Variants in ERN1 observed in about 807,000 individuals in gnomAD.
The protein encoded by ERN1 is serine/threonine-protein kinase/endoribonuclease IRE1.
In ERN1, 39 loss-of-function variants were observed where a neutral mutation model predicts 113.1. The observed-to-expected ratio is 0.34, with a 90% confidence interval of 0.27 to 0.45. ERN1 has a LOEUF of 0.45. Ranked by LOEUF, ERN1 falls within the 20% of genes least tolerant of loss-of-function variation. The probability of loss-of-function intolerance (pLI) is 1.00; values close to 1 mark genes in which losing one functional copy is unlikely to be tolerated. For missense variants in ERN1, 976 were observed against 1,274.8 expected (o/e 0.77, Z 3.57); for synonymous variants, 507 against 515.9 (o/e 0.98, Z 0.23).
Position 64,044,257 on chromosome 17 carries a change from G to T in ERN1, c.2722-57C>A. 2.3e-6 allele frequency: 3 copies of T among 1,280,556 alleles called. No individual in the cohort carries two copies. Among genetic ancestry groups the T allele is most frequent in the Non-Finnish European group, 3.2e-6 (3 of 948,986 alleles). 79.3% of individuals were successfully genotyped at this position (1,280,556 alleles called of 1,614,324 possible). A position where few individuals can be genotyped will look rare whatever the true frequency, so the allele number is the denominator to read the frequency against. On this transcript the variant is annotated intron_variant, in intron 21 of 21. Coordinates refer to ENST00000433197, the MANE Select transcript of ERN1 (RefSeq NM_001433.5). The surrounding 1 kb of genome is among the most constrained non-coding windows in gnomAD (Gnocchi z 4.1). The stretch of plus-strand genomic sequence containing the variant: ...AAAGGGGTTAGAAAGCTCGGGAAAT[G>T]TTGGCAAAACACCCTTTCATCATGC...
In ERN1 at chr17:64,064,012, T is replaced by C; in HGVS notation, c.1061A>G (p.Tyr354Cys). ...TATCAGAAGCCAGTAATTCCTCAAGTAGTTGAGCTTGTTCTTGCTTTTGAG... is the reference window on the plus strand; with the variant it reads ...TATCAGAAGCCAGTAATTCCTCAAGCAGTTGAGCTTGTTCTTGCTTTTGAG... Reference protein sequence around the residue: ...PGLKSKNKLNYLRNYWLLIGH... With the variant: ...PGLKSKNKLNCLRNYWLLIGH... Residue 354 changes from tyrosine to cysteine, a missense_variant, in exon 10 of 22, where the codon TAC becomes TGC. Physicochemically the swap from Tyr to Cys is radical, Grantham distance 194. Transcript: ENST00000433197. 1 of 1,613,922 alleles carries C rather than the reference T, an allele frequency of 6.2e-7. No homozygotes were observed. Among genetic ancestry groups the C allele is most frequent in the Non-Finnish European group, 8.5e-7 (1 of 1,179,868 alleles).
At chr17:64,070,827 T>A (rs1452342046) in intron 6 of ERN1, among the ~76,000 whole-genome samples, 1 of 152,232 alleles carries the variant, frequency 6.6e-6, no homozygotes, top group African/African-American at 2.4e-5. Flanking sequence ...TTTCATGGCA[T>A]CCCCGACATG....
intron 17 of ERN1, among the ~76,000 whole-genome samples, chr17:64,050,524 C>G (rs994653425): frequency 6.6e-6 from 1 of 152,182 alleles, no homozygotes; most frequent in Non-Finnish European, 1.5e-5. Context: ...GTTACAAGAG[C>G]TGCTGCGGCA....
chr17:64,100,071 C>T (rs1008501656), intron 1 of ERN1, among the ~76,000 whole-genome samples: 5 of 152,106 alleles, frequency 3.3e-5, no homozygotes, highest in Non-Finnish European at 1.5e-5. Context: ...CTGCCCTAGC[C>T]GGGGATGCAA....
intron 2 of ERN1, among the ~76,000 whole-genome samples, chr17:64,086,804 A>G (rs941035612): frequency 1.3e-4 from 20 of 151,218 alleles, no homozygotes; most frequent in African/African-American, 4.4e-4. Context: ...GTGCCACCAC[A>G]CCCAGCTAAT....
intron 1 of ERN1, among the ~76,000 whole-genome samples, chr17:64,113,592 C>T (rs1161101721): frequency 6.6e-6 from 1 of 151,992 alleles, no homozygotes; most frequent in Non-Finnish European, 1.5e-5. Flanking sequence ...TCACTGCAAC[C>T]TCTGCCTCCC....
intron 1 of ERN1, among the ~76,000 whole-genome samples, chr17:64,113,865 T>C (rs1276086811): frequency 1.3e-5 from 2 of 152,000 alleles, no homozygotes; most frequent in East Asian, 1.9e-4. Flanking sequence ...GTATTTTCAG[T>C]AGAGATGGGG....
chr17:64,098,412 G>GT lies in ERN1; in HGVS notation c.55-172dup. 3 of 816,100 alleles carry GT rather than the reference G, an allele frequency of 3.7e-6. No individual in the cohort carries two copies. The South Asian group carries it at 4.0e-5, about 11-fold the overall frequency. The allele number at this position is 816,100 out of a possible 1,614,324, so 50.6% of individuals were successfully genotyped here. On this transcript the variant is annotated intron_variant, in intron 1 of 21. Coordinates refer to ENST00000433197, the MANE Select transcript of ERN1 (RefSeq NM_001433.5). ...CCACTCAGTCAGGACTAGAACCCAG[G>GT]TCACCTCACTCTAAGCAGTGATCCT... is the stretch of plus-strand genomic sequence containing the variant.
intron 5 of ERN1, 117 bp from the exon 6 acceptor site, chr17:64,072,220 C>A: frequency 1.8e-6 from 2 of 1,087,450 alleles, no homozygotes; most frequent in South Asian, 3.0e-5. Flanking sequence ...CTTAGGATGT[C>A]ATTTCTAAGG....
Position 64,055,848 on chromosome 17 carries a change from G to T in ERN1, c.1499C>A (p.Pro500Gln). ...GCCGTCCTGAGCCGTGTCTCCAGGT[G>T]GGTGGAAGGGCAGCTGCTGCTGCTG... Reference protein sequence around the residue: ...QQQQQQLPFHPPGDTAQDGEL... With the variant: ...QQQQQQLPFHQPGDTAQDGEL... Residue 500 changes from proline to glutamine, a missense_variant, in exon 13 of 22, where the codon CCA becomes CAA. Physicochemically the swap from Pro to Gln is moderately conservative, Grantham distance 76 (BLOSUM62 -1). Transcript: ENST00000433197. 1.3e-6 allele frequency: 2 copies of T among 1,554,060 alleles called. No individual in the cohort carries two copies. The highest frequency in any genetic ancestry group is 1.7e-6 in the Non-Finnish European group (2 of 1,148,512).
rs117630061 is a variant in ERN1 at position 64,082,624 on chromosome 17, T to C, written c.176-1816A>G. Among the ~76,000 whole-genome samples the C allele has an allele frequency of 7.0e-3, 1,065 of 152,362 alleles. 12 individuals carry two copies. Among genetic ancestry groups the C allele is most frequent in the Middle Eastern group, 0.02 (6 of 294 alleles). On this transcript the variant is annotated intron_variant, in intron 2 of 21. Transcript: ENST00000433197. ...TGCAGACCAACATGATTTAAATTCC[T>C]GTTCATAACCTGATCTTTGCTGTAC...
At chr17:64,094,568 T>G (rs991801371) in intron 2 of ERN1, among the ~76,000 whole-genome samples, 1 of 150,094 alleles carries the variant, frequency 6.7e-6, no homozygotes, top group African/African-American at 2.5e-5. Flanking sequence ...GCTGATCTCC[T>G]CCCGCCACAT....
chr17:64,048,147 G>A (rs972038711), intron 18 of ERN1, among the ~76,000 whole-genome samples, 162 bp from the exon 19 acceptor site: 2 of 152,156 alleles, frequency 1.3e-5, no homozygotes, highest in Non-Finnish European at 2.9e-5. Flanking sequence ...AGCCAAAGAG[G>A]TGAGTCCTCA....
intron 2 of ERN1, among the ~76,000 whole-genome samples, chr17:64,090,969 C>T (rs1914072115): frequency 6.6e-6 from 1 of 152,196 alleles, no homozygotes; most frequent in Non-Finnish European, 1.5e-5. Flanking sequence ...AAACAGGTTT[C>T]TCTCACAGCC....
chr17:64,125,641 A>C (rs1915061628), intron 1 of ERN1, among the ~76,000 whole-genome samples: 1 of 152,152 alleles, frequency 6.6e-6, no homozygotes, highest in Non-Finnish European at 1.5e-5. Context: ...GGTGCATGCC[A>C]CCTTGCCCAG....
At chr17:64,095,298 G>T (rs1468351703) in intron 2 of ERN1, among the ~76,000 whole-genome samples, 1 of 152,076 alleles carries the variant, frequency 6.6e-6, no homozygotes, top group African/African-American at 2.4e-5. Flanking sequence ...GCATAGTGGC[G>T]CATGCCTGTA....
chr17:64,108,612 A>G (rs1914592611), intron 1 of ERN1, among the ~76,000 whole-genome samples: 1 of 152,146 alleles, frequency 6.6e-6, no homozygotes, highest in Non-Finnish European at 1.5e-5. Flanking sequence ...TCACTACTCT[A>G]TTTTGTTGTC....
At chr17:64,055,378 T>C (rs1389320879) in intron 13 of ERN1, among the ~76,000 whole-genome samples, 1 of 152,230 alleles carries the variant, frequency 6.6e-6, no homozygotes, top group Non-Finnish European at 1.5e-5. Flanking sequence ...GGCCACCGGC[T>C]GGCCCTGGGA....
At position 64,044,625 on chromosome 17, in the gene ERN1, A is replaced by G. The variant is rs949772804; in HGVS notation, c.2721+235T>C. Among the ~76,000 whole-genome samples, 13 of 152,228 alleles carry G rather than the reference A, an allele frequency of 8.5e-5. No individual in the cohort carries two copies. The highest frequency in any genetic ancestry group is 3.1e-4 in the African/African-American group (13 of 41,474). ...AGTCAGCGACCAGAGACCATGAGGG[A>G]CATGGGCCGCAGAGCACTGCTTCCC... On this transcript the variant is annotated intron_variant, in intron 21 of 21. Coordinates refer to ENST00000433197, the MANE Select transcript of ERN1 (RefSeq NM_001433.5). The surrounding 1 kb of genome is among the most constrained non-coding windows in gnomAD (Gnocchi z 4.1).
Sources: gnomAD v4.1 joint callset for allele counts (sites outside exome capture counted in the v4.1 genomes callset) on GRCh38, gnomAD v4.1.1 for gene constraint, Gnocchi (gnomAD v3.1) non-coding constraint, MANE v1.5 for transcripts, NCBI Gene and HGNC (gene_info 2026-07-23, HGNC 2026-07-21) for gene names.